The following MMP19 variants were observed in gnomAD, a reference collection of about 807,000 sequenced individuals.
The protein encoded by MMP19 is matrix metallopeptidase 19.
A neutral mutation model predicts 46.6 loss-of-function variants in MMP19; 47 were observed. The observed-to-expected ratio is 1.01, with a 90% CI of 0.80 to 1.29. The LOEUF (loss-of-function observed/expected upper bound fraction) is 1.29, where lower values mean the gene tolerates loss of function less well. Ranked by LOEUF, MMP19 falls within the 50% of genes most tolerant of loss-of-function variation. The probability of loss-of-function intolerance (pLI) is 0.00; values close to 1 mark genes in which losing one functional copy is unlikely to be tolerated. For synonymous variants in MMP19, 222 were observed against 248.5 expected (o/e 0.89, Z 1.00); for missense variants, 589 against 643.5 (o/e 0.92, Z 0.92).
At position 55,839,591 on chromosome 12, in the gene MMP19, C is replaced by T. The variant is rs143467015; in HGVS notation, c.671G>A (p.Arg224Gln). 32 of 1,614,074 alleles carry T rather than the reference C, an allele frequency of 2.0e-5. No individual in the cohort carries two copies. Among genetic ancestry groups the T allele is most frequent in the African/African-American group, 1.9e-4 (14 of 74,936 alleles). ...TGGGGCCATGAGGGCCTGGGAATATCGGGAGTGCCCAAGCCCCAGAGCATG... is the reference window on the plus strand; with the variant it reads ...TGGGGCCATGAGGGCCTGGGAATATTGGGAGTGCCCAAGCCCCAGAGCATG... ...VGHALGLGHS[R>Q]YSQALMAPVY... is the part of the protein sequence containing the mutation. The change falls in exon 5 of 9, where the codon CGA (arginine) becomes CAA (glutamine). Residue 224 changes from arginine (R) to glutamine (Q), a missense_variant. Transcript: ENST00000322569.
At chr12:55,837,446 AGCCCACT>A in intron 8 of MMP19, 72 bp from the exon 9 acceptor site, 1 of 1,579,538 alleles carries the variant, frequency 6.3e-7, no homozygotes, top group Non-Finnish European at 8.6e-7. Context: ...GTCCACCCCC[AGCCCACT>A]GCAGCTGCAG....
chr12:55,839,629 G>A lies in MMP19; in HGVS notation c.633C>T (p.Ala211=). The A allele has an allele frequency of 6.2e-7, 1 of 1,614,204 alleles. No individual in the cohort carries two copies. The highest frequency in any genetic ancestry group is 8.5e-7 in the Non-Finnish European group (1 of 1,180,034). Residue 211 remains alanine (A), a synonymous_variant, in exon 5 of 9, where the codon GCC becomes GCT. Transcript: ENST00000322569. ...YRGVNLRIIA[A]HEVGHALGLG... ...GCCCCAGAGCATGGCCCACTTCATG[G>A]GCTGCAATGATGCGCAGGTTCACCC...
chr12:55,840,667 C>G lies in MMP19; in HGVS notation c.520G>C (p.Gly174Arg). The part of the protein sequence containing the change: ...SYCSNTFDGP[G>R]RVLAHADIPE... ...GTGGGAACTGAGAACTGTTGCCTAC[C>G]AGGCCCATCAAAAGTATTGGAACAG... The change falls in exon 4 of 9, where the codon GGG (glycine) becomes CGG (arginine). Residue 174 changes from glycine (G) to arginine (R), a missense_variant and splice_region_variant. By Grantham distance (125) the Gly-to-Arg change is moderately radical. Coordinates refer to ENST00000322569, the MANE Select transcript of MMP19 (RefSeq NM_002429.6). The G allele has an allele frequency of 6.2e-7, 1 of 1,612,778 alleles. No homozygotes were observed. Among genetic ancestry groups the G allele is most frequent in the Non-Finnish European group, 8.5e-7 (1 of 1,179,210 alleles).
rs745328430 is a variant in MMP19 at position 55,837,535 on chromosome 12, C to A, written c.1188+20G>T. ...CCACTCCTCCTAAGAAGGGATTTGCCCTTGCTTTGAACTTTATACCTTAAA... is the reference window on the plus strand; with the variant it reads ...CCACTCCTCCTAAGAAGGGATTTGCACTTGCTTTGAACTTTATACCTTAAA... On this transcript the variant is annotated intron_variant, in intron 8 of 8. Coordinates refer to ENST00000322569, the MANE Select transcript of MMP19 (RefSeq NM_002429.6). 4 of 1,613,794 alleles carry A rather than the reference C, an allele frequency of 2.5e-6. No homozygotes were observed. The highest frequency in any genetic ancestry group is 3.4e-6 in the Non-Finnish European group (4 of 1,179,974).
intron 1 of MMP19, 90 bp downstream of exon 1, chr12:55,842,654 G>T: frequency 9.1e-7 from 1 of 1,098,640 alleles, no homozygotes; most frequent in Non-Finnish European, 1.4e-6. Context: ...AGGCAGGCAG[G>T]CTGAAGGTCA....
chr12:55,840,842 G>C lies in MMP19; in HGVS notation c.345C>G (p.Asn115Lys). Residue 115 changes from asparagine (N) to lysine (K), a missense_variant, in exon 4 of 9, where the codon AAC (asparagine) becomes AAG (lysine). Coordinates refer to ENST00000322569, the MANE Select transcript of MMP19 (RefSeq NM_002429.6). The part of the protein sequence containing the change: ...RKKHLTFRIL[N>K]LPSTLPPHTA... ...TGTGGGGTGGAAGGGTGGAGGGCAG[G>C]TTCAAGATGCGGAAAGTCAGGTGCT... The C allele has an allele frequency of 6.3e-7, 1 of 1,596,774 alleles. No individual in the cohort carries two copies. The highest frequency in any genetic ancestry group is 2.3e-5 in the East Asian group (1 of 44,396).
chr12:55,837,613 T>G lies in MMP19; in HGVS notation c.1130A>C (p.Glu377Ala), dbSNP rs752668004. Residue 377 changes from glutamate to alanine, a missense_variant, in exon 8 of 9, where the codon GAA becomes GCA. Glu to Ala is a moderately radical substitution (Grantham distance 107, BLOSUM62 -1). Coordinates refer to ENST00000322569, the MANE Select transcript of MMP19 (RefSeq NM_002429.6). ...ATAGAGAGCTGCATCCAGGTTAGGT[T>G]CTACCCTATTCAGCTTCTTGGGGAA... ...PGFPKKLNRV[E>A]PNLDAALYWP... is the part of the protein sequence containing the mutation. 3 of 1,614,090 alleles carry G rather than the reference T, an allele frequency of 1.9e-6. No homozygotes were observed. The African/African-American group carries it at 4.0e-5, about 22-fold the overall frequency.
At chr12:55,837,753 C>T (rs1208008477) in intron 7 of MMP19, 71 bp from the exon 8 acceptor site, 10 of 1,603,974 alleles carry the variant, frequency 6.2e-6, no homozygotes, top group Middle Eastern at 3.3e-4. Context: ...CTCCGGTCCA[C>T]CTATTCAGAA....
chr12:55,837,227 T>A lies in MMP19; in HGVS notation c.1336A>T (p.Lys446Ter). 1 of 1,614,222 alleles carries A rather than the reference T, an allele frequency of 6.2e-7. No homozygotes were observed. Among genetic ancestry groups the A allele is most frequent in the Non-Finnish European group, 8.5e-7 (1 of 1,180,036 alleles). The change falls in exon 9 of 9, where the codon AAA becomes TAA. Residue 446 changes from lysine to a stop codon, truncating the protein, a stop_gained. Coordinates refer to ENST00000322569, the MANE Select transcript of MMP19 (RefSeq NM_002429.6). LOFTEE classifies it low-confidence loss of function (END_TRUNC). ...QDGRVYFFKG[K>*]VYWRLNQQLR... is the part of the protein sequence containing the mutation. ...TGCTGGTTGAGGCGCCAGTAGACTT[T>A]GCCCTTGAAGAAGTAGACTCGGCCA...
rs763842236 is a variant in MMP19 at position 55,839,722 on chromosome 12, G to A, written c.540C>T (p.Ala180=). Residue 180 remains alanine, a synonymous_variant, in exon 5 of 9, where the codon GCC becomes GCT. Coordinates refer to ENST00000322569, the MANE Select transcript of MMP19 (RefSeq NM_002429.6). ...GCACACTGCCCAGCTCTGGGATGTC[G>A]GCATGGGCCAGGACTCTCCCTGGAC... The part of the protein sequence containing the change: ...FDGPGRVLAH[A]DIPELGSVHF... 6.2e-6 allele frequency: 10 copies of A among 1,612,480 alleles called. No individual in the cohort carries two copies. The highest frequency in any genetic ancestry group is 2.2e-5 in the South Asian group (2 of 90,782).
rs10538119 is a variant in MMP19 at position 55,841,510 on chromosome 12, T to TCTTCCTTCCTTCCTTC, written c.174-290_174-275dup. 871 of 188,012 alleles carry TCTTCCTTCCTTCCTTC rather than the reference T, an allele frequency of 4.6e-3. 14 individuals are homozygous for TCTTCCTTCCTTCCTTC. The highest frequency in any genetic ancestry group is 0.038 in the East Asian group (315 of 8,208). 11.6% of individuals were successfully genotyped at this position (188,012 alleles called of 1,614,324 possible). ...GTGTAGCCTTCCTCCTCTACTGCAA[T>TCTTCCTTCCTTCCTTC]CTTCCTTCCTTCCTTCCTTCCTTCC... On this transcript the variant is annotated intron_variant, in intron 2 of 8. Coordinates refer to ENST00000322569, the MANE Select transcript of MMP19 (RefSeq NM_002429.6).
Position 55,837,325 on chromosome 12 carries a change from C to A in MMP19, c.1238G>T (p.Ser413Ile), listed in dbSNP as rs1881304943. The A allele has an allele frequency of 1.2e-6, 2 of 1,610,936 alleles. No homozygotes were observed. The highest frequency in any genetic ancestry group is 1.3e-5 in the African/African-American group (1 of 74,846). Residue 413 changes from serine to isoleucine, a missense_variant, in exon 9 of 9, where the codon AGC becomes ATC. Physicochemically the swap from Ser to Ile is moderately radical, Grantham distance 142. Coordinates refer to ENST00000322569, the MANE Select transcript of MMP19 (RefSeq NM_002429.6). ...CAAACCCTTGATTGGTTTGGGGTAGCTGCTGAAGTCAGTTCGGGCTAGCTC... is the reference window on the plus strand; with the variant it reads ...CAAACCCTTGATTGGTTTGGGGTAGATGCTGAAGTCAGTTCGGGCTAGCTC... Reference protein sequence around the residue: ...WDELARTDFSSYPKPIKGLFT... With the variant: ...WDELARTDFSIYPKPIKGLFT...
chr12:55,840,699 C>A lies in MMP19; in HGVS notation c.488G>T (p.Ser163Ile), dbSNP rs1881621324. 1 of 1,613,934 alleles carries A rather than the reference C, an allele frequency of 6.2e-7. No individual in the cohort carries two copies. The highest frequency in any genetic ancestry group is 1.3e-5 in the African/African-American group (1 of 75,004). ...DIRLSFHGRQ[S>I]SYCSNTFDGP... ...ATCAAAAGTATTGGAACAGTACGAG[C>A]TTTGGCGGCCATGGAAGGAGAGGCG... is the stretch of plus-strand genomic sequence containing the variant. The change falls in exon 4 of 9, where the codon AGC (serine) becomes ATC (isoleucine). Residue 163 changes from serine (S) to isoleucine (I), a missense_variant. By Grantham distance (142) the Ser-to-Ile change is moderately radical. Transcript: ENST00000322569.
rs540080860 is a variant in MMP19 at position 55,838,431 on chromosome 12, T to G, written c.895+175A>C. On this transcript the variant is annotated intron_variant, in intron 6 of 8. Transcript: ENST00000322569. The stretch of plus-strand genomic sequence containing the variant: ...AAGTGCCTGCCTAAGCCACCTTTAA[T>G]TTGGCTCCGAACTCTCCCTCCCCAT... The G allele has an allele frequency of 1.4e-5, 21 of 1,513,880 alleles. 1 individual carries two copies. In the South Asian group the frequency reaches 2.3e-4, roughly 16 times the overall value. 93.8% of individuals were successfully genotyped at this position (1,513,880 alleles called of 1,614,324 possible).
At position 55,842,130 on chromosome 12, in the gene MMP19, C is replaced by G. The variant is rs1278141957; in HGVS notation, c.173+223G>C. 3.9e-5 allele frequency among the ~76,000 whole-genome samples: 6 copies of G among 152,104 alleles called. No individual in the cohort carries two copies. In the South Asian group the frequency reaches 1.2e-3, roughly 31 times the overall value. The stretch of plus-strand genomic sequence containing the variant: ...TGAGATATGATGTGGGTAGAGACTC[C>G]AAAGGAATGCTTATGGCCTAGGAAG... On this transcript the variant is annotated intron_variant, in intron 2 of 8. Coordinates refer to ENST00000322569, the MANE Select transcript of MMP19 (RefSeq NM_002429.6).
chr12:55,842,304 AAGACCTTG>A (rs1444203489), intron 2 of MMP19, 41 bp downstream of exon 2: 1 of 1,461,690 alleles, frequency 6.8e-7, no homozygotes, highest in Non-Finnish European at 9.6e-7. Context: ...GAGAAGGAAG[AAGACCTTG>A]AGACCTTAGC....
rs570288221 is a variant in MMP19, at chr12:55,837,218, A to G, written c.1345T>C (p.Trp449Arg). 5 of 1,614,238 alleles carry G rather than the reference A, an allele frequency of 3.1e-6. No homozygotes were observed. The East Asian group carries it at 1.1e-4, about 36-fold the overall frequency. ...ACTCGAAGCTGCTGGTTGAGGCGCC[A>G]GTAGACTTTGCCCTTGAAGAAGTAG... ...RVYFFKGKVY[W>R]RLNQQLRVEK... The change falls in exon 9 of 9, where the codon TGG (tryptophan) becomes CGG (arginine). Residue 449 changes from tryptophan to arginine, a missense_variant. Trp to Arg is a moderately radical substitution (Grantham distance 101). Coordinates refer to ENST00000322569, the MANE Select transcript of MMP19 (RefSeq NM_002429.6).
rs1162267120 is a variant in MMP19 at position 55,837,992 on chromosome 12, G to A, written c.911C>T (p.Thr304Ile). Reference protein sequence around the residue: ...DAMMLGPRGKTYAFKGDYVWT... With the variant: ...DAMMLGPRGKIYAFKGDYVWT... ...CACATAGTCCCCCTTGAAAGCATAG[G>A]TCTTCCCACGGGGCCCTGAGCGTAA... is the stretch of plus-strand genomic sequence containing the variant. Residue 304 changes from threonine (T) to isoleucine (I), a missense_variant, in exon 7 of 9, where the codon ACC becomes ATC. Coordinates refer to ENST00000322569, the MANE Select transcript of MMP19 (RefSeq NM_002429.6). 2 of 1,585,738 alleles carry A rather than the reference G, an allele frequency of 1.3e-6. No individual in the cohort carries two copies. The highest frequency in any genetic ancestry group is 1.7e-6 in the Non-Finnish European group (2 of 1,159,350).
intron 4 of MMP19, chr12:55,840,124 A>G: frequency 4.7e-6 from 1 of 213,882 alleles, no homozygotes; most frequent in Non-Finnish European, 9.3e-6. Context: ...ACAGGAGTTT[A>G]AGACCAGCCT....
Sources: allele counts gnomAD v4.1 joint callset (sites outside exome capture counted in the v4.1 genomes callset), GRCh38; gene constraint gnomAD v4.1.1; transcripts MANE v1.5; gene names NCBI Gene and HGNC (gene_info 2026-07-23, HGNC 2026-07-21).